Variants in KDM4C observed in about 807,000 individuals in gnomAD.
The protein encoded by KDM4C is lysine demethylase 4C.
In KDM4C, 81 loss-of-function variants were observed where a neutral mutation model predicts 129.3. The observed-to-expected ratio is 0.63, with a 90% CI of 0.52 to 0.75. The LOEUF is 0.75. Ranked by LOEUF, KDM4C falls within the 30% of genes least tolerant of loss-of-function variation. The pLI, the probability that KDM4C is intolerant of heterozygous loss-of-function variation, is 0.00. For synonymous variants in KDM4C, 573 were observed against 456.1 expected, an observed-to-expected ratio of 1.26 and a Z score of -3.26; for missense variants, 1,457 against 1,304.0, an observed-to-expected ratio of 1.12 and a Z score of -1.81.
At chr9:6,844,715 T>A (rs1049740666) in intron 4 of KDM4C, among the ~76,000 whole-genome samples, 1 of 151,848 alleles carries the variant, frequency 6.6e-6, no homozygotes, top group Non-Finnish European at 1.5e-5. Flanking sequence ...TGAGATGGAG[T>A]CTCGCTTTGT....
At chr9:6,794,754 G>C (rs1393153872) in intron 2 of KDM4C, among the ~76,000 whole-genome samples, 1 of 152,000 alleles carries the variant, frequency 6.6e-6, no homozygotes, top group Non-Finnish European at 1.5e-5. Context: ...AAAAAAAAAT[G>C]GTAGTGACTT....
At position 6,984,023 on chromosome 9, in the gene KDM4C, G is replaced by A. The variant is rs1165665495; in HGVS notation, c.1116-143G>A. 5 of 571,436 alleles carry A rather than the reference G, an allele frequency of 8.7e-6. No individual in the cohort carries two copies. The Admixed American group carries it at 1.5e-4, about 17-fold the overall frequency. 35.4% of individuals were successfully genotyped at this position (571,436 alleles called of 1,614,324 possible). A position where few individuals can be genotyped will look rare whatever the true frequency, so the allele number is the denominator to read the frequency against. Reference sequence around the variant, plus strand: ...TTTTGATTTCAAATTTAATCATTCAGTTGTGAACATTGACTTGGCATAGTG... The same window carrying A: ...TTTTGATTTCAAATTTAATCATTCAATTGTGAACATTGACTTGGCATAGTG... On this transcript the variant is annotated intron_variant, in intron 9 of 21. Transcript: ENST00000381309.
rs1445791903 is a variant in KDM4C, at chr9:6,726,129, G to A, written c.49+5132G>A. Among the ~76,000 whole-genome samples, 7 of 151,932 alleles carry A rather than the reference G, an allele frequency of 4.6e-5. No homozygotes were observed. The East Asian group carries it at 1.2e-3, about 25-fold the overall frequency. Reference sequence around the variant, plus strand: ...TATTTAATGGAGATGGGGTTTCGCCGTCGCGGCCAGACTGGTCTCAAACTC... The same window carrying A: ...TATTTAATGGAGATGGGGTTTCGCCATCGCGGCCAGACTGGTCTCAAACTC... On this transcript the variant is annotated intron_variant, in intron 1 of 17. Coordinates refer to the KDM4C transcript ENST00000536108.
intron 5 of KDM4C, among the ~76,000 whole-genome samples, chr9:6,859,494 A>G (rs1265856104): frequency 1.1e-4 from 17 of 150,078 alleles, no homozygotes; most frequent in African/African-American, 2.2e-4. Context: ...AAAAAAAAAA[A>G]AAAGAAATCG....
intron 8 of KDM4C, among the ~76,000 whole-genome samples, chr9:6,948,920 C>A (rs796873575): frequency 1.9e-4 from 29 of 152,300 alleles, no homozygotes; most frequent in African/African-American, 5.3e-4. Context: ...ATTTCTCTAT[C>A]TTTTCCCCAC....
At chr9:7,141,435 T>C (rs994342720) in intron 19 of KDM4C, among the ~76,000 whole-genome samples, 2 of 152,168 alleles carry the variant, frequency 1.3e-5, no homozygotes, top group African/African-American at 4.8e-5. Flanking sequence ...GTTAGGAGAA[T>C]GTTGCAGTAA....
At chr9:6,859,633 C>A (rs1167310159) in intron 5 of KDM4C, among the ~76,000 whole-genome samples, 2 of 149,936 alleles carry the variant, frequency 1.3e-5, no homozygotes, top group Non-Finnish European at 3.0e-5. Context: ...GAGGCCCAGG[C>A]GGGCAGATCG....
At chr9:6,877,907 G>A (rs1342013462) in intron 5 of KDM4C, among the ~76,000 whole-genome samples, 9 of 152,142 alleles carry the variant, frequency 5.9e-5, no homozygotes, top group Admixed American at 1.3e-4. Context: ...GGCTCATTCA[G>A]GGAACTTTCA....
chr9:7,057,641 A>G (rs183505862), intron 17 of KDM4C, among the ~76,000 whole-genome samples: 1 of 152,146 alleles, frequency 6.6e-6, no homozygotes, highest in East Asian at 1.9e-4. Context: ...TTCCCCCTTT[A>G]TTTTTATAAC....
intron 6 of KDM4C, among the ~76,000 whole-genome samples, chr9:6,885,490 G>A (rs1397374842): frequency 1.3e-5 from 2 of 152,084 alleles, no homozygotes; most frequent in Admixed American, 6.6e-5. Context: ...TTAGGGCTCT[G>A]TTGGGGTCTC....
intron 18 of KDM4C, among the ~76,000 whole-genome samples, chr9:7,108,057 GT>G (rs1361138174): frequency 6.6e-6 from 1 of 152,100 alleles, no homozygotes; most frequent in Non-Finnish European, 1.5e-5. Context: ...TCAGAGCAGT[GT>G]TTTTTGTGTG....
chr9:6,816,117 A>G (rs1330678648), intron 4 of KDM4C, among the ~76,000 whole-genome samples: 11 of 152,194 alleles, frequency 7.2e-5, no homozygotes, highest in Non-Finnish European at 1.0e-4. Flanking sequence ...TAAGTGATCT[A>G]TGGGGTATAC....
chr9:6,878,122 T>C (rs1843848561), intron 5 of KDM4C, among the ~76,000 whole-genome samples: 1 of 152,194 alleles, frequency 6.6e-6, no homozygotes, highest in South Asian at 2.1e-4. Flanking sequence ...TGCCCAGTTG[T>C]GCTTCACTGG....
chr9:7,163,185 TAG>T (rs1843994205), intron 19 of KDM4C, among the ~76,000 whole-genome samples: 2 of 152,058 alleles, frequency 1.3e-5, no homozygotes, highest in Admixed American at 6.5e-5. Flanking sequence ...CAGGCACCCT[TAG>T]TACCTCAGCA....
chr9:6,984,435 T>C, intron 10 of KDM4C, 31 bp downstream of exon 10: 1 of 1,410,020 alleles, frequency 7.1e-7, no homozygotes. Context: ...GTTTCACATA[T>C]AAGTAGTAGG....
chr9:7,016,941 T>C (rs922533966), intron 15 of KDM4C, among the ~76,000 whole-genome samples: 3 of 152,136 alleles, frequency 2.0e-5, no homozygotes, highest in Non-Finnish European at 4.4e-5. Flanking sequence ...CCAGTGTTTA[T>C]TTTTCTCTTT....
At chr9:6,952,765 T>A (rs894966242) in intron 8 of KDM4C, among the ~76,000 whole-genome samples, 1 of 152,064 alleles carries the variant, frequency 6.6e-6, no homozygotes, top group Admixed American at 6.5e-5. Context: ...AAAAGAAAGA[T>A]CATGTGCAGT....
At chr9:7,033,735 G>T (rs1299866331) in intron 15 of KDM4C, among the ~76,000 whole-genome samples, 2 of 152,182 alleles carry the variant, frequency 1.3e-5, no homozygotes, top group African/African-American at 4.8e-5. Context: ...TTCATAAATA[G>T]CTTCTTGATT....
rs188230472 is a variant in KDM4C at position 7,043,253 on chromosome 9, T to A, written c.2260-3609T>A. On this transcript the variant is annotated intron_variant, in intron 15 of 21. Coordinates refer to ENST00000381309, the MANE Select transcript of KDM4C (RefSeq NM_015061.6). Reference sequence around the variant, plus strand: ...TTTTTATTCTTGATATCAAGTTTAATGACTCAGTGTCTTGATGGATACTCT... The same window carrying A: ...TTTTTATTCTTGATATCAAGTTTAAAGACTCAGTGTCTTGATGGATACTCT... 6.0e-4 allele frequency among the ~76,000 whole-genome samples: 92 copies of A among 152,154 alleles called. 1 individual carries two copies. Among genetic ancestry groups the A allele is most frequent in the Admixed American group, 3.5e-3 (53 of 15,258 alleles).
Sources: gnomAD v4.1 joint callset for allele counts (sites outside exome capture counted in the v4.1 genomes callset) on GRCh38, gnomAD v4.1.1 for gene constraint, MANE v1.5 for transcripts, NCBI Gene and HGNC (gene_info 2026-07-23, HGNC 2026-07-21) for gene names.